The following ASIP variants were observed in gnomAD, a reference collection of about 807,000 sequenced individuals.
The protein encoded by ASIP is agouti signaling protein, also known as agouti-signaling protein.
Under a neutral mutation model 10.3 loss-of-function variants are expected in ASIP, and 11 were observed. The ratio of observed to expected loss-of-function variants is 1.07; its 90% CI spans 0.68 to 1.78. The LOEUF is 1.78. Ranked by LOEUF, ASIP falls within the 40% of genes most tolerant of loss-of-function variation. The probability of loss-of-function intolerance (pLI) is 0.00; values close to 1 mark genes in which losing one functional copy is unlikely to be tolerated. For missense variants in ASIP, 180 were observed against 169.2 expected, an observed-to-expected ratio of 1.06 and a Z score of -0.35; for synonymous variants, 70 against 70.8, an observed-to-expected ratio of 0.99 and a Z score of 0.06.
At chr20:34,207,147 G>T (rs2034942589) in intron 1 of ASIP, among the ~76,000 whole-genome samples, 1 of 152,024 alleles carries the variant, frequency 6.6e-6, no homozygotes, top group Non-Finnish European at 1.5e-5. Flanking sequence ...CCCTTTCTCT[G>T]CATCCTTACC....
rs560762333 is a variant in ASIP at position 34,194,849 on chromosome 20, C to T, written c.-11+89C>T. 4 of 152,318 alleles carry T rather than the reference C, an allele frequency of 2.6e-5. No homozygotes were observed. The East Asian group carries it at 7.7e-4, about 29-fold the overall frequency. The allele number at this position is 152,318 out of a possible 1,614,324, so 9.4% of individuals were successfully genotyped here. A position where few individuals can be genotyped will look rare whatever the true frequency, so the allele number is the denominator to read the frequency against. On this transcript the variant is annotated intron_variant, in intron 1 of 3. Coordinates refer to the ASIP transcript ENST00000568305. ...CAATATCTATGCTATAGTAATATAT[C>T]TATGGGCTTGACTTCTTCTTCTCCT...
At chr20:34,246,427 T>C (rs963378133) in intron 1 of ASIP, 2 of 1,361,188 alleles carry the variant, frequency 1.5e-6, no homozygotes, top group Non-Finnish European at 2.1e-6. Flanking sequence ...ACTCTGTTGG[T>C]AATGAACAGA....
chr20:34,186,642 G>C, the ASIP span, among the ~76,000 whole-genome samples: 3 of 152,122 alleles, frequency 2.0e-5, no homozygotes, highest in Non-Finnish European at 4.4e-5. Flanking sequence ...CACCAAAGCT[G>C]GAAAGAAAAT....
intron 1 of ASIP, among the ~76,000 whole-genome samples, chr20:34,212,304 A>G (rs2034979697): frequency 6.6e-6 from 1 of 152,098 alleles, no homozygotes; most frequent in Non-Finnish European, 1.5e-5. Flanking sequence ...ACTTTGTCTC[A>G]TTTGCTTTAT....
chr20:34,262,029 C>T (rs1601614480), intron 2 of ASIP, among the ~76,000 whole-genome samples: 1 of 152,092 alleles, frequency 6.6e-6, no homozygotes, highest in Non-Finnish European at 1.5e-5. Flanking sequence ...AGGAAAATCA[C>T]TTGAACCCAG....
intron 1 of ASIP, among the ~76,000 whole-genome samples, chr20:34,203,735 T>G (rs1335922239): frequency 1.3e-5 from 2 of 151,696 alleles, no homozygotes; most frequent in Non-Finnish European, 2.9e-5. Context: ...ATTTATTTAT[T>G]TTTTGAGATG....
chr20:34,236,311 G>A (rs6087566), intron 1 of ASIP, among the ~76,000 whole-genome samples: 39,706 of 152,048 alleles, frequency 0.26, 9,442 homozygotes, highest in African/African-American at 0.64. Flanking sequence ...AGGCCGAAGC[G>A]GGCAGATCAC....
intron 1 of ASIP, among the ~76,000 whole-genome samples, chr20:34,204,244 G>C (rs2034920135): frequency 6.7e-6 from 1 of 149,328 alleles, no homozygotes; most frequent in Non-Finnish European, 1.5e-5. Flanking sequence ...TTTTGAGACG[G>C]AGTTTTGCAC....
At chr20:34,255,683 G>T (rs905850749) in intron 1 of ASIP, among the ~76,000 whole-genome samples, 1 of 152,226 alleles carries the variant, frequency 6.6e-6, no homozygotes, top group East Asian at 1.9e-4. Flanking sequence ...GCCATACAGA[G>T]ATAGGAGCTG....
intron 1 of ASIP, among the ~76,000 whole-genome samples, chr20:34,235,842 A>G (rs1190340475): frequency 2.7e-5 from 1 of 37,282 alleles, no homozygotes; most frequent in East Asian, 8.3e-4. Context: ...AGAAAGAAAG[A>G]AGGAAGGAAG....
chr20:34,222,864 G>A (rs893501759), intron 1 of ASIP, among the ~76,000 whole-genome samples: 1 of 152,150 alleles, frequency 6.6e-6, no homozygotes, highest in East Asian at 1.9e-4. Flanking sequence ...CCCTAACCGC[G>A]AGTGATCCGC....
chr20:34,239,422 G>C (rs374416687), upstream of ASIP, among the ~76,000 whole-genome samples: 5 of 152,176 alleles, frequency 3.3e-5, no homozygotes, highest in East Asian at 9.7e-4. Context: ...TCACCATGTT[G>C]GCCAGGCTCT....
intron 2 of ASIP, among the ~76,000 whole-genome samples, chr20:34,261,852 C>T (rs2035699063): frequency 6.6e-6 from 1 of 152,116 alleles, no homozygotes; most frequent in African/African-American, 2.4e-5. Flanking sequence ...GTGGCTCACA[C>T]CTCTAATCCC....
chr20:34,201,772 A>G (rs2034901556), intron 1 of ASIP, among the ~76,000 whole-genome samples: 1 of 152,248 alleles, frequency 6.6e-6, no homozygotes, highest in South Asian at 2.1e-4. Flanking sequence ...GGAATTTTGT[A>G]GGAGATACTG....
At chr20:34,221,283 C>T (rs2035045665) in intron 1 of ASIP, among the ~76,000 whole-genome samples, 1 of 151,764 alleles carries the variant, frequency 6.6e-6, no homozygotes, top group Admixed American at 6.6e-5. Flanking sequence ...GAGGCTGAGG[C>T]AGGAGAATGG....
chr20:34,200,836 C>A (rs1023839151), intron 1 of ASIP, among the ~76,000 whole-genome samples: 2 of 152,102 alleles, frequency 1.3e-5, no homozygotes, highest in African/African-American at 4.8e-5. Context: ...CTTTAATTTT[C>A]CCCCCTATGG....
At chr20:34,236,545 C>CAA (rs201898441), upstream of ASIP, among the ~76,000 whole-genome samples, 1 of 137,064 alleles carries the variant, frequency 7.3e-6, no homozygotes, top group Non-Finnish European at 1.6e-5. Context: ...AACTCTGTCT[C>CAA]AAAAAAAAAA....
intron 1 of ASIP, among the ~76,000 whole-genome samples, chr20:34,235,556 C>G (rs989150234): frequency 6.6e-6 from 1 of 152,078 alleles, no homozygotes; most frequent in Non-Finnish European, 1.5e-5. Flanking sequence ...GAAGACCAGG[C>G]AACAGAAGTA....
chr20:34,237,350 A>G (rs2035224305), upstream of ASIP, among the ~76,000 whole-genome samples: 1 of 152,132 alleles, frequency 6.6e-6, no homozygotes, highest in Admixed American at 6.5e-5. Flanking sequence ...TTCTTTCAGC[A>G]ATGTTCTATA....
Sources: gnomAD v4.1 joint callset for allele counts (sites outside exome capture counted in the v4.1 genomes callset) on GRCh38, gnomAD v4.1.1 for gene constraint, MANE v1.5 for transcripts, NCBI Gene and HGNC (gene_info 2026-07-23, HGNC 2026-07-21) for gene names.